Variants in LVRN observed in about 807,000 individuals in gnomAD.
LVRN encodes laeverin.
A neutral mutation model predicts 111.4 loss-of-function variants in LVRN; 99 were observed. The ratio of observed to expected loss-of-function variants is 0.89; its 90% CI spans 0.76 to 1.05. The LOEUF (loss-of-function observed/expected upper bound fraction) is 1.05. Among genes scored for constraint, LVRN ranks in the 50% least tolerant of loss-of-function variants. LVRN has a pLI of 0.00. For synonymous variants in LVRN, 488 were observed against 449.5 expected (o/e 1.09, Z -1.08); for missense variants, 1,414 against 1,206.8 (o/e 1.17, Z -2.54).
rs763081983 is a variant in LVRN, at chr5:115,992,309, T to TA, written c.1260+32_1260+33insA. On this transcript the variant is annotated intron_variant, in intron 5 of 19. Transcript: ENST00000357872. ...GGTAAAATGTTCTTTTTATTTCACT[T>TA]GAAGTTATTCTCCAGGTGCGCTACC... 3 of 1,612,422 alleles carry TA rather than the reference T, an allele frequency of 1.9e-6. No homozygotes were observed. In the South Asian group the frequency reaches 3.3e-5, roughly 18 times the overall value.
intron 1 of LVRN, among the ~76,000 whole-genome samples, chr5:115,971,866 T>A (rs1390338444): frequency 6.6e-6 from 1 of 152,084 alleles, no homozygotes; most frequent in African/African-American, 2.4e-5. Context: ...AAGCACCTGC[T>A]GGGATTTTGA....
rs1289737267 is a variant in LVRN at position 116,000,671 on chromosome 5, C to T, written c.1647+13C>T. The T allele has an allele frequency of 1.2e-6, 2 of 1,612,196 alleles. No homozygotes were observed. The highest frequency in any genetic ancestry group is 2.7e-5 in the African/African-American group (2 of 74,980). ...GCATTTTCAAATGGTAATTGTCCTACTTTCTGACACATTCTTGCTGAGTTG... is the reference window on the plus strand; with the variant it reads ...GCATTTTCAAATGGTAATTGTCCTATTTTCTGACACATTCTTGCTGAGTTG... On this transcript the variant is annotated intron_variant, in intron 9 of 19. Coordinates refer to ENST00000357872, the MANE Select transcript of LVRN (RefSeq NM_173800.5).
intron 1 of LVRN, among the ~76,000 whole-genome samples, chr5:115,980,617 G>A (rs1753541799): frequency 1.3e-5 from 2 of 152,020 alleles, no homozygotes; most frequent in Non-Finnish European, 2.9e-5. Context: ...TCCTTAAGGA[G>A]TATAATTTTC....
rs1034485204 is a variant in LVRN, at chr5:116,013,607, G to A, written c.2343-813G>A. Among the ~76,000 whole-genome samples the A allele has an allele frequency of 9.9e-5, 15 of 152,024 alleles. No individual in the cohort carries two copies. In the East Asian group the frequency reaches 2.1e-3, roughly 21 times the overall value. The stretch of plus-strand genomic sequence containing the variant: ...TGAATGCCTAGAACTGTCTCTCAGC[G>A]GACCTCCACCCTTGCACATTCCTCT... On this transcript the variant is annotated intron_variant, in intron 15 of 19. Transcript: ENST00000357872.
At position 115,984,596 on chromosome 5, in the gene LVRN, G is replaced by A. The variant is rs769013775; in HGVS notation, c.865G>A (p.Gly289Arg). Residue 289 changes from glycine to arginine, a missense_variant, in exon 3 of 20, where the codon GGA becomes AGA. Coordinates refer to ENST00000357872, the MANE Select transcript of LVRN (RefSeq NM_173800.5). ...TCAGTCTGAAAAAGAAGATGTGAAT[G>A]GAAGCAAATGGACTGTTACAACCTT... is the stretch of plus-strand genomic sequence containing the variant. ...LGQSEKEDVN[G>R]SKWTVTTFST... 3.1e-6 allele frequency: 5 copies of A among 1,613,516 alleles called. No homozygotes were observed. Among genetic ancestry groups the A allele is most frequent in the Non-Finnish European group, 3.4e-6 (4 of 1,179,680 alleles).
At chr5:115,969,939 T>C (rs1463207896) in intron 1 of LVRN, among the ~76,000 whole-genome samples, 1 of 152,186 alleles carries the variant, frequency 6.6e-6, no homozygotes, top group Non-Finnish European at 1.5e-5. Flanking sequence ...GTTTTAATGT[T>C]CTTCTCTGCT....
chr5:115,979,381 G>C (rs1036046220), intron 1 of LVRN, among the ~76,000 whole-genome samples: 1 of 152,078 alleles, frequency 6.6e-6, no homozygotes, highest in African/African-American at 2.4e-5. Flanking sequence ...CCCATAGTTA[G>C]AAGGTTGCCC....
chr5:116,010,882 C>T lies in LVRN; in HGVS notation c.2235C>T (p.Tyr745=). 3 of 1,578,572 alleles carry T rather than the reference C, an allele frequency of 1.9e-6. No homozygotes were observed. The highest frequency in any genetic ancestry group is 2.6e-6 in the Non-Finnish European group (3 of 1,166,480). The part of the protein sequence containing the change: ...LVSEVNIYDI[Y]SLLKRYLLKR... The stretch of plus-strand genomic sequence containing the variant: ...CTGAGGTGAACATCTATGATATATA[C>T]TCATTATTAAAGGTAATTTCATTCT... Residue 745 remains tyrosine (Y), a synonymous_variant, in exon 14 of 20, where the codon TAC becomes TAT. Coordinates refer to ENST00000357872, the MANE Select transcript of LVRN (RefSeq NM_173800.5).
At chr5:116,000,788 T>C (rs1208534882) in intron 9 of LVRN, 130 bp downstream of exon 9, 3 of 984,818 alleles carry the variant, frequency 3.0e-6, no homozygotes, top group South Asian at 1.6e-5. Flanking sequence ...CTCCCTTAGG[T>C]CATGGGTAGT....
intron 1 of LVRN, among the ~76,000 whole-genome samples, chr5:115,968,569 G>C (rs1318145868): frequency 1.3e-5 from 2 of 151,598 alleles, no homozygotes; most frequent in African/African-American, 4.8e-5. Flanking sequence ...CTCCTGACTA[G>C]CTAGAAGGAC....
In LVRN at chr5:115,985,069, G is replaced by A. The variant is rs563928877; in HGVS notation, c.978+360G>A. Among the ~76,000 whole-genome samples the A allele has an allele frequency of 5.9e-5, 9 of 152,268 alleles. No individual in the cohort carries two copies. In the East Asian group the frequency reaches 1.7e-3, roughly 29 times the overall value. ...GTATGTGATGTGTACTTAGCCCAGG[G>A]TTAATGGTGTCTTGAAGCTTGGGTG... On this transcript the variant is annotated intron_variant, in intron 3 of 19. Transcript: ENST00000357872.
intron 13 of LVRN, among the ~76,000 whole-genome samples, chr5:116,009,195 G>A (rs902139879): frequency 6.6e-6 from 1 of 152,142 alleles, no homozygotes; most frequent in Non-Finnish European, 1.5e-5. Flanking sequence ...AAGCCTGGAT[G>A]ACAGCACATC....
intron 7 of LVRN, 46 bp from the exon 8 acceptor site, chr5:116,000,387 G>A: frequency 6.3e-7 from 1 of 1,587,824 alleles, no homozygotes; most frequent in Non-Finnish European, 8.6e-7. Context: ...GTCAGTATGT[G>A]GATATTGAAT....
Position 116,014,541 on chromosome 5 carries a change from C to T in LVRN, c.2450+14C>T, listed in dbSNP as rs1213041599. 1 of 1,578,318 alleles carries T rather than the reference C, an allele frequency of 6.3e-7. No individual in the cohort carries two copies. Among genetic ancestry groups the T allele is most frequent in the Non-Finnish European group, 8.7e-7 (1 of 1,148,390 alleles). On this transcript the variant is annotated intron_variant, in intron 16 of 19. Coordinates refer to ENST00000357872, the MANE Select transcript of LVRN (RefSeq NM_173800.5). ...TCCAGAAAATGAGTAAGAGTAATAT[C>T]ATAATTCCTCTTGTTTTTGTCCTAT... is the stretch of plus-strand genomic sequence containing the variant.
intron 4 of LVRN, 146 bp from the exon 5 acceptor site, chr5:115,991,977 A>T (rs1748001574): frequency 1.5e-6 from 1 of 655,190 alleles, no homozygotes; most frequent in Non-Finnish European, 2.5e-6. Flanking sequence ...CTTTGGCATT[A>T]GTCTTTAAAA....
intron 18 of LVRN, among the ~76,000 whole-genome samples, chr5:116,019,473 C>T (rs74968717): frequency 0.016 from 2,427 of 152,306 alleles, 31 homozygotes; most frequent in Middle Eastern, 0.048. Flanking sequence ...GCACATTCTA[C>T]GGGTGTTGAT....
At chr5:115,998,962 G>A (rs1032127515) in intron 6 of LVRN, among the ~76,000 whole-genome samples, 27 of 152,226 alleles carry the variant, frequency 1.8e-4, no homozygotes, top group Non-Finnish European at 3.8e-4. Context: ...ATCTGACGCT[G>A]TCAAAGGGTG....
intron 18 of LVRN, among the ~76,000 whole-genome samples, chr5:116,019,749 C>T (rs913675985): frequency 1.3e-5 from 2 of 152,170 alleles, no homozygotes; most frequent in African/African-American, 4.8e-5. Context: ...TGGTATCTTG[C>T]TGGGATCTTG....
At chr5:116,010,990 A>G in intron 14 of LVRN, 96 bp downstream of exon 14, 1 of 802,260 alleles carries the variant, frequency 1.2e-6, no homozygotes, top group Non-Finnish European at 1.6e-6. Flanking sequence ...TTTCCAAAGT[A>G]ATAGTCTTAG....
Sources: gnomAD v4.1 joint callset for allele counts (sites outside exome capture counted in the v4.1 genomes callset) on GRCh38, gnomAD v4.1.1 for gene constraint, MANE v1.5 for transcripts, NCBI Gene and HGNC (gene_info 2026-07-23, HGNC 2026-07-21) for gene names.